Variants in WNT16 observed in about 807,000 individuals in gnomAD.
The protein encoded by WNT16 is protein Wnt-16.
Under a neutral mutation model 35.4 loss-of-function variants are expected in WNT16, and 20 were observed. The observed-to-expected ratio is 0.56, with a 90% CI of 0.40 to 0.82. The LOEUF (loss-of-function observed/expected upper bound fraction) is 0.82. Among genes scored for constraint, WNT16 ranks in the 40% least tolerant of loss-of-function variants. WNT16 has a pLI of 0.00. For synonymous variants in WNT16, 180 were observed against 179.2 expected, an observed-to-expected ratio of 1.00 and a Z score of -0.03; for missense variants, 461 against 466.0, an observed-to-expected ratio of 0.99 and a Z score of 0.10.
intron 2 of WNT16, among the ~76,000 whole-genome samples, chr7:121,330,197 T>C (rs546727985): frequency 1.3e-5 from 2 of 152,328 alleles, no homozygotes; most frequent in South Asian, 2.1e-4. Flanking sequence ...GGCTGCCGCA[T>C]CTGCTTTGAT....
chr7:121,328,409 G>T, upstream of WNT16, among the ~76,000 whole-genome samples: 1 of 152,142 alleles, frequency 6.6e-6, no homozygotes, highest in Non-Finnish European at 1.5e-5. Flanking sequence ...ATTGAAATAT[G>T]GCAGATGAGA....
At chr7:121,330,234 C>T (rs1196909992) in intron 2 of WNT16, among the ~76,000 whole-genome samples, 2 of 152,236 alleles carry the variant, frequency 1.3e-5, no homozygotes, top group Admixed American at 1.3e-4. Flanking sequence ...CGCACCAAAC[C>T]CCGGACAAGT....
intron 3 of WNT16, 149 bp downstream of exon 3, chr7:121,332,113 A>G: frequency 2.1e-6 from 2 of 950,086 alleles, no homozygotes; most frequent in South Asian, 1.8e-5. Context: ...TGTTTTTAAA[A>G]GACTACAGCA....
upstream of WNT16, chr7:121,325,387 G>A (rs758292556): frequency 1.8e-5 from 29 of 1,606,358 alleles, no homozygotes; most frequent in Middle Eastern, 1.7e-4. Flanking sequence ...AACCACAGAG[G>A]GCAAAGCCAG....
chr7:121,334,357 T>G (rs185500928), intron 3 of WNT16, among the ~76,000 whole-genome samples: 2 of 152,198 alleles, frequency 1.3e-5, no homozygotes, highest in Admixed American at 6.5e-5. Context: ...GTATTATAAT[T>G]CAACAGAGTT....
At chr7:121,328,408 T>G (rs138205214), upstream of WNT16, among the ~76,000 whole-genome samples, 16 of 152,302 alleles carry the variant, frequency 1.1e-4, no homozygotes, top group Admixed American at 7.2e-4. Flanking sequence ...GATTGAAATA[T>G]GGCAGATGAG....
Position 121,339,125 on chromosome 7 carries a change from A to C in WNT16, c.878A>C (p.Tyr293Ser), listed in dbSNP as rs773392753. ...DLLYVNKSPN[Y>S]CVEDKKLGIP... ...CTCTATGTTAATAAGTCTCCCAACT[A>C]CTGTGTAGAAGATAAGAAACTGGGA... Residue 293 changes from tyrosine to serine, a missense_variant, in exon 4 of 4, where the codon TAC becomes TCC. Transcript: ENST00000222462. The C allele has an allele frequency of 2.6e-5, 42 of 1,614,098 alleles. No homozygotes were observed. The highest frequency in any genetic ancestry group is 3.6e-5 in the Non-Finnish European group (42 of 1,180,040).
intron 3 of WNT16, among the ~76,000 whole-genome samples, chr7:121,337,244 A>G (rs1793458743): frequency 6.6e-6 from 1 of 152,254 alleles, no homozygotes; most frequent in African/African-American, 2.4e-5. Flanking sequence ...AATGTGCCAT[A>G]TGCACTACTA....
Position 121,329,574 on chromosome 7 carries a change from G to A in WNT16, c.103G>A (p.Gly35Ser). ...YGAQGNWMWL[G>S]IASFGVPEKL... ...GGCGGCCGTGTCTTACAGGTGGTTG[G>A]GCATTGCCTCCTTCGGGGTTCCAGA... Residue 35 changes from glycine (G) to serine (S), a missense_variant, in exon 2 of 4, where the codon GGC (glycine) becomes AGC (serine). Gly to Ser is a moderately conservative substitution (Grantham distance 56). Transcript: ENST00000222462. 2 of 1,614,216 alleles carry A rather than the reference G, an allele frequency of 1.2e-6. No homozygotes were observed. Among genetic ancestry groups the A allele is most frequent in the Non-Finnish European group, 8.5e-7 (1 of 1,180,014 alleles).
chr7:121,326,947 G>C (rs1793255393), upstream of WNT16, among the ~76,000 whole-genome samples: 1 of 152,108 alleles, frequency 6.6e-6, no homozygotes, highest in African/African-American at 2.4e-5. Flanking sequence ...CAGCATTTAG[G>C]CCTCTTACAT....
rs1350507463 is a variant in WNT16 at position 121,340,830 on chromosome 7, G to T, written c.*1485G>T. Reference sequence around the variant, plus strand: ...TAAAAATTACAGGGCTCTATTTAAGGATGTATTTTAATGTAAATGCTTATG... The same window carrying T: ...TAAAAATTACAGGGCTCTATTTAAGTATGTATTTTAATGTAAATGCTTATG... On this transcript the variant is annotated 3_prime_UTR_variant, in exon 4 of 4. Coordinates refer to ENST00000222462, the MANE Select transcript of WNT16 (RefSeq NM_057168.2). 2 of 151,998 alleles carry T rather than the reference G, an allele frequency of 1.3e-5. No homozygotes were observed. Among genetic ancestry groups the T allele is most frequent in the African/African-American group, 2.4e-5 (1 of 41,358 alleles). 9.4% of individuals were successfully genotyped at this position (151,998 alleles called of 1,614,324 possible).
rs768871697 is a variant in WNT16 at position 121,339,241 on chromosome 7, C to T, written c.994C>T (p.His332Tyr). ...CTGCTGTGGCCGAGGTTACAACACC[C>T]ATGTGGTCAGGCACGTGGAGAGGTG... ...LLCCGRGYNTHVVRHVERCEC... is the reference protein window; with the variant it reads ...LLCCGRGYNTYVVRHVERCEC... Residue 332 changes from histidine (H) to tyrosine (Y), a missense_variant, in exon 4 of 4, where the codon CAT (histidine) becomes TAT (tyrosine). Coordinates refer to ENST00000222462, the MANE Select transcript of WNT16 (RefSeq NM_057168.2). 14 of 1,614,056 alleles carry T rather than the reference C, an allele frequency of 8.7e-6. 2 individuals are homozygous for T. The Middle Eastern group carries it at 4.9e-4, about 57-fold the overall frequency.
Position 121,329,394 on chromosome 7 carries a change from A to G in WNT16, c.95+7A>G. 1 of 1,610,270 alleles carries G rather than the reference A, an allele frequency of 6.2e-7. No homozygotes were observed. The highest frequency in any genetic ancestry group is 1.1e-5 in the South Asian group (1 of 90,572). On this transcript the variant is annotated splice_region_variant and intron_variant, in intron 1 of 3. Coordinates refer to ENST00000222462, the MANE Select transcript of WNT16 (RefSeq NM_057168.2). The stretch of plus-strand genomic sequence containing the variant: ...GAGCCCAAGGAAACTGGATGTGAGT[A>G]TGGAGGTGGCAGGGAAGCATCGGGT...
intron 3 of WNT16, among the ~76,000 whole-genome samples, chr7:121,332,878 T>C (rs1793376414): frequency 6.6e-6 from 1 of 152,074 alleles, no homozygotes; most frequent in South Asian, 2.1e-4. Context: ...ATTCTACATT[T>C]TTATACTGTT....
rs1208180683 is a variant in WNT16 at position 121,329,136 on chromosome 7, G to A, written c.-157G>A. The A allele has an allele frequency of 6.5e-6, 9 of 1,387,896 alleles. No homozygotes were observed. The highest frequency in any genetic ancestry group is 8.4e-6 in the Non-Finnish European group (9 of 1,073,024). 86.0% of individuals were successfully genotyped at this position (1,387,896 alleles called of 1,614,324 possible). A position where few individuals can be genotyped will look rare whatever the true frequency, so the allele number is the denominator to read the frequency against. On this transcript the variant is annotated 5_prime_UTR_variant, in exon 1 of 4. Coordinates refer to ENST00000222462, the MANE Select transcript of WNT16 (RefSeq NM_057168.2). Reference sequence around the variant, plus strand: ...CCCTGCAAACGAGGGGGAAGCTGCTGAGAGTCCCTATCACTGCTGGCCTTT... The same window carrying A: ...CCCTGCAAACGAGGGGGAAGCTGCTAAGAGTCCCTATCACTGCTGGCCTTT...
At chr7:121,329,927 C>G in intron 2 of WNT16, 110 bp downstream of exon 2, 1 of 1,457,550 alleles carries the variant, frequency 6.9e-7, no homozygotes, top group South Asian at 1.4e-5. Context: ...TCTCTAAGTT[C>G]CAGAAGAAGC....
At position 121,331,727 on chromosome 7, in the gene WNT16, G is replaced by A. The variant is rs771773715; in HGVS notation, c.396G>A (p.Val132=). Residue 132 remains valine (V), a synonymous_variant, in exon 3 of 4, where the codon GTG becomes GTA. Coordinates refer to ENST00000222462, the MANE Select transcript of WNT16 (RefSeq NM_057168.2). ...ATGCTGTGATGGCTGCAGGCCTGGTGCATTCTGTGACCAGGTCATGCAGTG... is the reference window on the plus strand; with the variant it reads ...ATGCTGTGATGGCTGCAGGCCTGGTACATTCTGTGACCAGGTCATGCAGTG... ...FIYAVMAAGL[V]HSVTRSCSAG... 1.7e-5 allele frequency: 27 copies of A among 1,614,028 alleles called. No homozygotes were observed. The highest frequency in any genetic ancestry group is 2.3e-5 in the Non-Finnish European group (27 of 1,180,012).
intron 1 of WNT16, 66 bp from the exon 2 acceptor site, chr7:121,329,501 C>T: frequency 6.2e-7 from 1 of 1,600,422 alleles, no homozygotes; most frequent in South Asian, 1.1e-5. Context: ...GACGAGTGAC[C>T]TAATTTTTCG....
Position 121,340,176 on chromosome 7 carries a change from G to A in WNT16, c.*831G>A, listed in dbSNP as rs1057324896. 5 of 151,978 alleles carry A rather than the reference G, an allele frequency of 3.3e-5. No homozygotes were observed. The highest frequency in any genetic ancestry group is 6.6e-5 in the Admixed American group (1 of 15,236). 9.4% of individuals were successfully genotyped at this position (151,978 alleles called of 1,614,324 possible). On this transcript the variant is annotated 3_prime_UTR_variant, in exon 4 of 4. Transcript: ENST00000222462. ...CTGGGGGGAGGATCCTGAAACATGC[G>A]GGAAAAGGAGAGGTAAACAGTGGAG...
Sources: gnomAD v4.1 joint callset for allele counts (sites outside exome capture counted in the v4.1 genomes callset) on GRCh38, gnomAD v4.1.1 for gene constraint, MANE v1.5 for transcripts, NCBI Gene and HGNC (gene_info 2026-07-23, HGNC 2026-07-21) for gene names.